SLCO2A1: variants seen among roughly 807,000 people sequenced by gnomAD.
SLCO2A1 encodes the protein solute carrier organic anion transporter family member 2A1.
SLCO2A1 carries 60 observed loss-of-function variants against 71.7 expected under a neutral mutation model. The ratio of observed to expected loss-of-function variants is 0.84; its 90% confidence interval spans 0.68 to 1.04. SLCO2A1 has a LOEUF of 1.04. SLCO2A1 is among the 50% of genes least tolerant of loss of function. The pLI is 0.00. For synonymous variants in SLCO2A1, 308 were observed against 326.7 expected (o/e 0.94, Z 0.62); for missense variants, 745 against 813.4 (o/e 0.92, Z 1.02).
intron 3 of SLCO2A1, among the ~76,000 whole-genome samples, chr3:133,962,071 T>C (rs938700437): frequency 1.3e-5 from 2 of 152,118 alleles, no homozygotes; most frequent in Non-Finnish European, 2.9e-5. Flanking sequence ...CTAGAATTTA[T>C]TTTTATTTTA....
chr3:133,953,795 TA>T (rs1456316105), intron 4 of SLCO2A1, 34 bp from the exon 5 acceptor site: 2 of 1,568,128 alleles, frequency 1.3e-6, no homozygotes, highest in South Asian at 2.2e-5. Flanking sequence ...GAGACTGAGA[TA>T]AATGGAGAGA....
At chr3:133,947,952 C>T (rs1192904574) in intron 8 of SLCO2A1, among the ~76,000 whole-genome samples, 4 of 152,144 alleles carry the variant, frequency 2.6e-5, no homozygotes, top group Non-Finnish European at 5.9e-5. Flanking sequence ...CAGTGATTTC[C>T]TAGGGTACTT....
intron 1 of SLCO2A1, among the ~76,000 whole-genome samples, chr3:134,013,938 C>T (rs1935390519): frequency 6.6e-6 from 1 of 152,108 alleles, no homozygotes; most frequent in Non-Finnish European, 1.5e-5. Flanking sequence ...CTTCTTCATT[C>T]CCTTCTAGAA....
At chr3:133,951,064 G>T in intron 6 of SLCO2A1, 144 bp downstream of exon 6, 1 of 1,087,344 alleles carries the variant, frequency 9.2e-7, no homozygotes, top group Non-Finnish European at 1.4e-6. Context: ...TAAAGCCTCT[G>T]GGAAGTCCTG....
chr3:133,947,352 A>C lies in SLCO2A1; in HGVS notation c.1199T>G (p.Ile400Arg), dbSNP rs931171826. The C allele has an allele frequency of 6.2e-7, 1 of 1,614,156 alleles. No homozygotes were observed. The highest frequency in any genetic ancestry group is 2.2e-5 in the East Asian group (1 of 44,882). The stretch of plus-strand genomic sequence containing the variant: ...GGAGATGGTGATGATGGTGGTAGCT[A>C]TGCGGGGAATGGCTTGTAGAGAGAA... ...FVFSLQAIPR[I>R]ATTIITISMI... The change falls in exon 9 of 14, where the codon ATA becomes AGA. Residue 400 changes from isoleucine (I) to arginine (R), a missense_variant. Transcript: ENST00000310926.
rs566240756 is a variant in SLCO2A1 at position 133,942,606 on chromosome 3, G to A, written c.1624C>T (p.Arg542Cys). ...SHNPLYMMVL[R>C]VVNQEEKSFA... ...GACTCACAGAGGTTTGCCACTCACCGCAGAACCATCATGTAGAGGGGGTTG... is the reference window on the plus strand; with the variant it reads ...GACTCACAGAGGTTTGCCACTCACCACAGAACCATCATGTAGAGGGGGTTG... The change falls in exon 11 of 14, where the codon CGT becomes TGT. Residue 542 changes from arginine (R) to cysteine (C), a missense_variant and splice_region_variant. Transcript: ENST00000310926. 124 of 1,610,122 alleles carry A rather than the reference G, an allele frequency of 7.7e-5. No individual in the cohort carries two copies. Among genetic ancestry groups the A allele is most frequent in the East Asian group, 6.5e-4 (29 of 44,692 alleles).
At chr3:133,943,476 T>C (rs1933486296) in intron 10 of SLCO2A1, among the ~76,000 whole-genome samples, 1 of 152,228 alleles carries the variant, frequency 6.6e-6, no homozygotes, top group African/African-American at 2.4e-5. Flanking sequence ...GTATGTTTCC[T>C]TCTGCCGACA....
intron 1 of SLCO2A1, among the ~76,000 whole-genome samples, chr3:133,991,682 G>C (rs1934850126): frequency 6.6e-6 from 1 of 152,218 alleles, no homozygotes; most frequent in African/African-American, 2.4e-5. Flanking sequence ...TTCCTTAAGA[G>C]GGGAGTGGCT....
intron 1 of SLCO2A1, among the ~76,000 whole-genome samples, chr3:134,021,365 G>A (rs1264425058): frequency 6.6e-6 from 1 of 152,210 alleles, no homozygotes; most frequent in Non-Finnish European, 1.5e-5. Context: ...GCCAGCATTA[G>A]AGGTAAGTTG....
intron 5 of SLCO2A1, among the ~76,000 whole-genome samples, chr3:133,953,101 A>G (rs1424303715): frequency 6.6e-6 from 1 of 151,802 alleles, no homozygotes; most frequent in Non-Finnish European, 1.5e-5. Context: ...CAGTGGCATG[A>G]TCTCGGCTCA....
Position 133,945,143 on chromosome 3 carries a change from A to G in SLCO2A1, c.1413T>C (p.His471=). 6.2e-7 allele frequency: 1 copy of G among 1,614,070 alleles called. No homozygotes were observed. Residue 471 remains histidine (H), a synonymous_variant, in exon 10 of 14, where the codon CAT becomes CAC. Coordinates refer to ENST00000310926, the MANE Select transcript of SLCO2A1 (RefSeq NM_005630.3). ...DNGIEYLSPC[H]AGCSNINMSS... is the part of the protein sequence containing the mutation. ...TCATGTTGATGTTGCTGCAGCCGGC[A>G]TGGCAAGGGGAGAGGTACTCGATTC...
At chr3:134,021,695 AGG>A (rs1040723878) in intron 1 of SLCO2A1, among the ~76,000 whole-genome samples, 2 of 152,130 alleles carry the variant, frequency 1.3e-5, no homozygotes, top group African/African-American at 4.8e-5. Context: ...CAGAGGCAAA[AGG>A]AAAGTCAAAG....
intron 1 of SLCO2A1, among the ~76,000 whole-genome samples, chr3:134,004,190 C>T (rs78313349): frequency 0.049 from 7,518 of 152,112 alleles, 250 homozygotes; most frequent in Non-Finnish European, 0.076. Context: ...ATAATGGCCT[C>T]CCCAAATGTC....
intron 4 of SLCO2A1, among the ~76,000 whole-genome samples, chr3:133,954,578 G>T (rs2108045578): frequency 6.6e-6 from 1 of 152,328 alleles, no homozygotes; most frequent in South Asian, 2.1e-4. Flanking sequence ...GAGAAGATAT[G>T]TGTGTCCTGG....
intron 1 of SLCO2A1, among the ~76,000 whole-genome samples, chr3:134,028,464 C>A (rs1221809567): frequency 6.6e-6 from 1 of 152,182 alleles, no homozygotes; most frequent in Non-Finnish European, 1.5e-5. Flanking sequence ...TATCCATATA[C>A]AACTACAAAA....
At chr3:133,938,783 T>A (rs1180933508) in intron 11 of SLCO2A1, among the ~76,000 whole-genome samples, 2 of 152,042 alleles carry the variant, frequency 1.3e-5, no homozygotes, top group East Asian at 3.9e-4. Context: ...CAGCAATCTG[T>A]ATTTTACCTC....
chr3:133,964,646 G>T lies in SLCO2A1; in HGVS notation c.397+9017C>A, dbSNP rs370756609. Among the ~76,000 whole-genome samples, 3 of 152,212 alleles carry T rather than the reference G, an allele frequency of 2.0e-5. No homozygotes were observed. In the East Asian group the frequency reaches 5.8e-4, roughly 29 times the overall value. On this transcript the variant is annotated intron_variant, in intron 3 of 13. Coordinates refer to ENST00000310926, the MANE Select transcript of SLCO2A1 (RefSeq NM_005630.3). ...GCTCAGGGCAGTGGAAGGAGGAACT[G>T]CTCTGCTTCTCTCTCAAGACTGGGT...
intron 11 of SLCO2A1, among the ~76,000 whole-genome samples, chr3:133,941,053 C>G (rs1305660538): frequency 6.6e-6 from 1 of 152,142 alleles, no homozygotes; most frequent in Non-Finnish European, 1.5e-5. Context: ...GTGCTGCTTT[C>G]TGTGCTGTAA....
In SLCO2A1 at chr3:133,942,713, G is replaced by A. The variant is rs142346133; in HGVS notation, c.1517C>T (p.Ser506Leu). 3.0e-5 allele frequency: 48 copies of A among 1,613,628 alleles called. No homozygotes were observed. The highest frequency in any genetic ancestry group is 8.0e-5 in the African/African-American group (6 of 74,992). The change falls in exon 11 of 14, where the codon TCG becomes TTG. Residue 506 changes from serine (S) to leucine (L), a missense_variant. Coordinates refer to ENST00000310926, the MANE Select transcript of SLCO2A1 (RefSeq NM_005630.3). ...GAAGTGGGCACAGGGGACAGGGCAC[G>A]ATCCTGTCTTTGCTGAAGCGGATCC... ...TGGSASAKTG[S>L]CPVPCAHFLL...
Sources: allele counts gnomAD v4.1 joint callset (sites outside exome capture counted in the v4.1 genomes callset), GRCh38; gene constraint gnomAD v4.1.1; transcripts MANE v1.5; gene names NCBI Gene and HGNC (gene_info 2026-07-23, HGNC 2026-07-21).